SNRNP25: variants seen among roughly 807,000 people sequenced by gnomAD.
SNRNP25 encodes the protein small nuclear ribonucleoprotein U11/U12 subunit 25.
SNRNP25 carries 21 observed loss-of-function variants against 23.9 expected under a neutral mutation model. The ratio of observed to expected loss-of-function variants is 0.88; its 90% CI spans 0.62 to 1.27. The LOEUF (loss-of-function observed/expected upper bound fraction) is 1.27, where lower values mean the gene tolerates loss of function less well. Ranked by LOEUF, SNRNP25 falls within the 50% of genes most tolerant of loss-of-function variation. SNRNP25 has a pLI of 0.00. For synonymous variants in SNRNP25, 63 were observed against 60.4 expected (o/e 1.04, Z -0.20); for missense variants, 160 against 156.9 (o/e 1.02, Z -0.11).
At chr16:54,131 C>G (rs2141836859) in intron 1 of SNRNP25, 73 bp downstream of exon 1, 3 of 1,500,806 alleles carry the variant, frequency 2.0e-6, no homozygotes, top group Non-Finnish European at 2.7e-6. Context: ...CGGCAGCCTC[C>G]GAAGGTGCTG....
At chr16:54,189 C>T (rs1393110238) in intron 1 of SNRNP25, 131 bp downstream of exon 1, 7 of 1,087,922 alleles carry the variant, frequency 6.4e-6, no homozygotes, top group Non-Finnish European at 9.3e-6. Flanking sequence ...TGGGCGTAAA[C>T]GAGGGTTTTA....
In SNRNP25 at chr16:56,630, T is replaced by A. The variant is rs1166018721; in HGVS notation, c.314+17T>A. The stretch of plus-strand genomic sequence containing the variant: ...GCTCCGAGAGTAAGTGCCGGCCACG[T>A]CCTGAGCCGTAGGGCACCGCTGTTC... On this transcript the variant is annotated intron_variant, in intron 4 of 4. Transcript: ENST00000293861. The A allele has an allele frequency of 9.9e-6, 16 of 1,613,394 alleles. No individual in the cohort carries two copies. The highest frequency in any genetic ancestry group is 1.4e-5 in the Non-Finnish European group (16 of 1,179,834).
At position 57,565 on chromosome 16, in the gene SNRNP25, A is replaced by C. The variant is rs549096169; in HGVS notation, c.*422A>C. 2.6e-5 allele frequency: 5 copies of C among 194,786 alleles called. No individual in the cohort carries two copies. The South Asian group carries it at 6.0e-4, about 23-fold the overall frequency. The allele number at this position is 194,786 out of a possible 1,614,324, so 12.1% of individuals were successfully genotyped here. ...GTCCTATAGTCCAAGATGGCGCCAC[A>C]CCACCAAAGCCTTGAGGCCACACCA... is the stretch of plus-strand genomic sequence containing the variant. On this transcript the variant is annotated 3_prime_UTR_variant, in exon 5 of 5. Transcript: ENST00000293861.
chr16:54,006 A>G lies in SNRNP25; in HGVS notation c.-11A>G. ...TCCGAGGCCATGGACGTGTTCCAGGAGGGTCTGGCTATGGTGGTGCAGGAC... is the reference window on the plus strand; with the variant it reads ...TCCGAGGCCATGGACGTGTTCCAGGGGGGTCTGGCTATGGTGGTGCAGGAC... On this transcript the variant is annotated 5_prime_UTR_variant, in exon 1 of 5. Coordinates refer to ENST00000293861, the MANE Select transcript of SNRNP25 (RefSeq NM_024571.4). 1 of 1,610,362 alleles carries G rather than the reference A, an allele frequency of 6.2e-7. No individual in the cohort carries two copies. The highest frequency in any genetic ancestry group is 1.7e-4 in the Middle Eastern group (1 of 6,058).
At position 54,026 on chromosome 16, in the gene SNRNP25, C is replaced by T; in HGVS notation, c.10C>T (p.Gln4Ter). The change falls in exon 1 of 5, where the codon CAG becomes TAG. Residue 4 changes from glutamine to a stop codon, truncating the protein, a stop_gained. Coordinates refer to ENST00000293861, the MANE Select transcript of SNRNP25 (RefSeq NM_024571.4). LOFTEE classifies it high-confidence loss of function. MVV[Q>*]DPLLCDLPIQ... The stretch of plus-strand genomic sequence containing the variant: ...CCAGGAGGGTCTGGCTATGGTGGTG[C>T]AGGACCCGCTGCTCTGCGATCTGCC... 1 of 1,609,142 alleles carries T rather than the reference C, an allele frequency of 6.2e-7. No individual in the cohort carries two copies.
chr16:55,943 CTG>C, intron 3 of SNRNP25, 61 bp downstream of exon 3: 1 of 1,477,400 alleles, frequency 6.8e-7, no homozygotes, highest in Non-Finnish European at 9.3e-7. Context: ...CTTCTTGGCA[CTG>C]TCACCAGGCA....
In SNRNP25 at chr16:55,782, G is replaced by A; in HGVS notation, c.139G>A (p.Val47Ile). Residue 47 changes from valine to isoleucine, a missense_variant, in exon 3 of 5, where the codon GTT becomes ATT. Physicochemically the swap from Val to Ile is conservative, Grantham distance 29 (BLOSUM62 3). Coordinates refer to ENST00000293861, the MANE Select transcript of SNRNP25 (RefSeq NM_024571.4). ...ATCTGTGTCCGTGGTTGCAGCCGTGGTTGTAGTGCAGAGTGCCACAGTCCT... is the reference window on the plus strand; with the variant it reads ...ATCTGTGTCCGTGGTTGCAGCCGTGATTGTAGTGCAGAGTGCCACAGTCCT... ...CKMDGEVMPV[V>I]VVQSATVLDL... 6.2e-7 allele frequency: 1 copy of A among 1,614,120 alleles called. No homozygotes were observed.
chr16:56,373 C>T, intron 3 of SNRNP25, 166 bp from the exon 4 acceptor site: 1 of 747,584 alleles, frequency 1.3e-6, no homozygotes, highest in Non-Finnish European at 2.4e-6. Context: ...ACAGAGCCTC[C>T]TTGTAGCTGC....
Position 57,205 on chromosome 16 carries a change from G to A in SNRNP25, c.*62G>A. 1 of 1,545,472 alleles carries A rather than the reference G, an allele frequency of 6.5e-7. No individual in the cohort carries two copies. Among genetic ancestry groups the A allele is most frequent in the East Asian group, 2.2e-5 (1 of 44,518 alleles). The stretch of plus-strand genomic sequence containing the variant: ...CTGAGCTTTTTCCCAGCAGGAATGG[G>A]TCCTCGAATCATCGTGCCTCTTTCA... On this transcript the variant is annotated 3_prime_UTR_variant, in exon 5 of 5. Coordinates refer to ENST00000293861, the MANE Select transcript of SNRNP25 (RefSeq NM_024571.4).
Position 57,420 on chromosome 16 carries a change from A to G in SNRNP25, c.*277A>G. The G allele has an allele frequency of 1.9e-6, 1 of 519,524 alleles. No homozygotes were observed. The highest frequency in any genetic ancestry group is 3.5e-6 in the Non-Finnish European group (1 of 288,760). The allele number at this position is 519,524 out of a possible 1,614,324, so 32.2% of individuals were successfully genotyped here. A position where few individuals can be genotyped will look rare whatever the true frequency, so the allele number is the denominator to read the frequency against. The stretch of plus-strand genomic sequence containing the variant: ...GCAGACCCACGGCCTGGCCCACTGT[A>G]TAAAATAAACCTGTTTGCTTCTTAG... On this transcript the variant is annotated 3_prime_UTR_variant, in exon 5 of 5. Transcript: ENST00000293861.
Position 53,926 on chromosome 16 carries a change from G to A in SNRNP25, c.-91G>A, listed in dbSNP as rs993360032. On this transcript the variant is annotated 5_prime_UTR_variant, in exon 1 of 5. Coordinates refer to ENST00000293861, the MANE Select transcript of SNRNP25 (RefSeq NM_024571.4). Reference sequence around the variant, plus strand: ...CGGCCCTGGAGGAGACGGAGGCCGCGGGTGGGCCCGAGGCGCAAGAGGAAG... The same window carrying A: ...CGGCCCTGGAGGAGACGGAGGCCGCAGGTGGGCCCGAGGCGCAAGAGGAAG... 322 of 1,555,930 alleles carry A rather than the reference G, an allele frequency of 2.1e-4. No homozygotes were observed. Among genetic ancestry groups the A allele is most frequent in the Non-Finnish European group, 2.8e-4 (317 of 1,149,314 alleles).
At position 55,510 on chromosome 16, in the gene SNRNP25, A is replaced by G. The variant is rs1318329228; in HGVS notation, c.94A>G (p.Met32Val). 4.3e-6 allele frequency: 7 copies of G among 1,614,076 alleles called. No homozygotes were observed. The highest frequency in any genetic ancestry group is 1.3e-5 in the African/African-American group (1 of 74,932). ...AATAGCCCTAGAATACGGCCAGGCA[A>G]TGACGGTCCGAGTGTGCAAGATGGA... is the stretch of plus-strand genomic sequence containing the variant. ...SQIALEYGQA[M>V]TVRVCKMDGE... The change falls in exon 2 of 5, where the codon ATG (methionine) becomes GTG (valine). Residue 32 changes from methionine to valine, a missense_variant. Transcript: ENST00000293861.
At chr16:55,738 T>C in intron 2 of SNRNP25, 39 bp from the exon 3 acceptor site, 1 of 1,608,016 alleles carries the variant, frequency 6.2e-7, no homozygotes, top group Non-Finnish European at 8.5e-7. Context: ...CTTTGGGTTC[T>C]CACCATGGAT....
At chr16:55,345 T>C in intron 1 of SNRNP25, 114 bp from the exon 2 acceptor site, 1 of 869,446 alleles carries the variant, frequency 1.2e-6, no homozygotes, top group South Asian at 1.5e-5. Flanking sequence ...CCACCCTTCC[T>C]TGCCCTTCGT....
At chr16:56,240 C>A (rs540329467) in intron 3 of SNRNP25, 226 of 688,526 alleles carry the variant, frequency 3.3e-4, no homozygotes, top group Non-Finnish European at 5.2e-4. Flanking sequence ...CCCTTCTCAC[C>A]TGGGTGCTGT....
chr16:56,777 G>C (rs216597), intron 4 of SNRNP25, among the ~76,000 whole-genome samples, 164 bp downstream of exon 4: 127,240 of 152,244 alleles, frequency 0.84, 53,667 homozygotes, highest in African/African-American at 0.93. Context: ...GCAGAGGGCA[G>C]CTGGAGGGGC....
chr16:53,971 G>T lies in SNRNP25; in HGVS notation c.-46G>T. 2 of 1,604,374 alleles carry T rather than the reference G, an allele frequency of 1.2e-6. No homozygotes were observed. The highest frequency in any genetic ancestry group is 1.7e-6 in the Non-Finnish European group (2 of 1,176,552). On this transcript the variant is annotated 5_prime_UTR_variant, in exon 1 of 5. Coordinates refer to ENST00000293861, the MANE Select transcript of SNRNP25 (RefSeq NM_024571.4). ...AGGAAGATGAGGACGAAGAAGAGGC[G>T]CTGCCGCACTCCGAGGCCATGGACG...
In SNRNP25 at chr16:57,094, T is replaced by G; in HGVS notation, c.323T>G (p.Ile108Ser). The G allele has an allele frequency of 6.2e-7, 1 of 1,614,102 alleles. No homozygotes were observed. Among genetic ancestry groups the G allele is most frequent in the East Asian group, 2.2e-5 (1 of 44,886 alleles). The change falls in exon 5 of 5, where the codon ATC becomes AGC. Residue 108 changes from isoleucine to serine, a missense_variant. Coordinates refer to ENST00000293861, the MANE Select transcript of SNRNP25 (RefSeq NM_024571.4). ...EDRKKLRDYG[I>S]RNRDEVSFIK... ...CTTTCCTTCTTTTTCAGCTACGGCA[T>G]CCGGAATCGAGACGAGGTTTCCTTC... is the stretch of plus-strand genomic sequence containing the variant.
rs1411378273 is a variant in SNRNP25, at chr16:55,867, T to C, written c.224T>C (p.Ile75Thr). ...VQLKQEREGG[I>T]QHISWSYVWR... Reference sequence around the variant, plus strand: ...CTCAAGCAGGAGCGTGAAGGGGGCATTCAGCACATCAGCTGGTAAGTGGAA... The same window carrying C: ...CTCAAGCAGGAGCGTGAAGGGGGCACTCAGCACATCAGCTGGTAAGTGGAA... Residue 75 changes from isoleucine (I) to threonine (T), a missense_variant, in exon 3 of 5, where the codon ATT becomes ACT. Physicochemically the swap from Ile to Thr is moderately conservative, Grantham distance 89 (BLOSUM62 -1). Transcript: ENST00000293861. The C allele has an allele frequency of 3.1e-6, 5 of 1,613,920 alleles. No individual in the cohort carries two copies. Among genetic ancestry groups the C allele is most frequent in the Non-Finnish European group, 4.2e-6 (5 of 1,179,972 alleles).
Sources: gnomAD v4.1 joint callset for allele counts (sites outside exome capture counted in the v4.1 genomes callset) on GRCh38, gnomAD v4.1.1 for gene constraint, MANE v1.5 for transcripts, NCBI Gene and HGNC (gene_info 2026-07-23, HGNC 2026-07-21) for gene names.